The following AGK variants were observed in gnomAD, a reference collection of about 807,000 sequenced individuals.
The protein encoded by AGK is acylglycerol kinase, mitochondrial.
Under a neutral mutation model 66.4 loss-of-function variants are expected in AGK, and 52 were observed. That is an observed-to-expected ratio of 0.78 (90% CI 0.63 to 0.99). The LOEUF (loss-of-function observed/expected upper bound fraction) is 0.99. Ranked by LOEUF, AGK falls within the 50% of genes least tolerant of loss-of-function variation. The pLI is 0.00. For synonymous variants in AGK, 182 were observed against 181.1 expected (o/e 1.00, Z -0.04); for missense variants, 451 against 506.6 (o/e 0.89, Z 1.05).
Position 141,652,808 on chromosome 7 carries a change from A to G in AGK, c.1153A>G (p.Ile385Val), listed in dbSNP as rs764590024. 6 of 1,613,568 alleles carry G rather than the reference A, an allele frequency of 3.7e-6. No homozygotes were observed. Among genetic ancestry groups the G allele is most frequent in the Non-Finnish European group, 5.1e-6 (6 of 1,179,942 alleles). ...IPEGAGGSFSIDSEEYEAMPV... is the reference protein window; with the variant it reads ...IPEGAGGSFSVDSEEYEAMPV... ...CCAGGGAGCAGGGGGCTCTTTTAGC[A>G]TTGACAGTGAGGAGTATGAAGCGAT... Residue 385 changes from isoleucine (I) to valine (V), a missense_variant, in exon 16 of 16, where the codon ATT (isoleucine) becomes GTT (valine). Physicochemically the swap from Ile to Val is conservative, Grantham distance 29 (BLOSUM62 3). Transcript: ENST00000649286.
At chr7:141,564,160 C>T (rs1795413420) in intron 2 of AGK, among the ~76,000 whole-genome samples, 1 of 152,214 alleles carries the variant, frequency 6.6e-6, no homozygotes, top group South Asian at 2.1e-4. Context: ...CTCTGCTTTC[C>T]TATCTCCCTC....
At chr7:141,645,657 A>G (rs1797394738) in intron 13 of AGK, among the ~76,000 whole-genome samples, 1 of 152,094 alleles carries the variant, frequency 6.6e-6, no homozygotes, top group Admixed American at 6.5e-5. Context: ...CTTGTATTTA[A>G]TGTGCTTTCT....
chr7:141,615,696 T>C (rs1228558832), intron 8 of AGK, 131 bp downstream of exon 8: 4 of 736,182 alleles, frequency 5.4e-6, no homozygotes, highest in Non-Finnish European at 7.0e-6. Context: ...AGGACCTAGA[T>C]CAGAGTTCAG....
rs1002051522 is a variant in AGK, at chr7:141,562,776, TC to T, written c.101+7213del. 1.5e-4 allele frequency among the ~76,000 whole-genome samples: 23 copies of T among 152,166 alleles called. 1 individual carries two copies. The highest frequency in any genetic ancestry group is 3.2e-4 in the Non-Finnish European group (22 of 68,026). ...TCAGATCTGCCCCAGGTCATAAGCT[TC>T]CCCGCTGAGAAAGCAGGCAAGGCTT... On this transcript the variant is annotated intron_variant, in intron 2 of 15. Coordinates refer to ENST00000649286, the MANE Select transcript of AGK (RefSeq NM_018238.4).
rs762576211 is a variant in AGK at position 141,637,024 on chromosome 7, G to A, written c.726+7G>A. 4 of 1,609,606 alleles carry A rather than the reference G, an allele frequency of 2.5e-6. No individual in the cohort carries two copies. Among genetic ancestry groups the A allele is most frequent in the Non-Finnish European group, 3.4e-6 (4 of 1,177,368 alleles). On this transcript the variant is annotated splice_region_variant and intron_variant, in intron 11 of 15. Transcript: ENST00000649286. ...CTTTTTCAGCACTCTTAAGGTAAAT[G>A]TGATTTACAGTGTAGAAATTTGCTG... is the stretch of plus-strand genomic sequence containing the variant.
rs1205552060 is a variant in AGK, at chr7:141,598,245, C to G, written c.221+1604C>G. Among the ~76,000 whole-genome samples, 1 of 152,166 alleles carries G rather than the reference C, an allele frequency of 6.6e-6. No homozygotes were observed. Among genetic ancestry groups the G allele is most frequent in the Non-Finnish European group, 1.5e-5 (1 of 68,028 alleles). On this transcript the variant is annotated intron_variant, in intron 4 of 15. Coordinates refer to ENST00000649286, the MANE Select transcript of AGK (RefSeq NM_018238.4). This position sits in a 1 kb window ranked among gnomAD's most constrained non-coding sequence, Gnocchi z 4.2. ...CTGCTGGGCTTTGTTAGAGCCGCTTCCCTCCCCCATAAACGCACCAGTCAT... is the reference window on the plus strand; with the variant it reads ...CTGCTGGGCTTTGTTAGAGCCGCTTGCCTCCCCCATAAACGCACCAGTCAT...
At chr7:141,579,527 G>T (rs556881255) in intron 2 of AGK, among the ~76,000 whole-genome samples, 1 of 151,940 alleles carries the variant, frequency 6.6e-6, no homozygotes, top group Non-Finnish European at 1.5e-5. Flanking sequence ...AGACCAAGAG[G>T]TATTTTGGTT....
chr7:141,645,347 G>C (rs1797387366), intron 13 of AGK, among the ~76,000 whole-genome samples: 1 of 151,988 alleles, frequency 6.6e-6, no homozygotes, highest in Non-Finnish European at 1.5e-5. Context: ...ACCTGATTTA[G>C]TAGATGGACA....
chr7:141,554,040 T>C (rs1795156338), intron 1 of AGK, among the ~76,000 whole-genome samples: 1 of 152,168 alleles, frequency 6.6e-6, no homozygotes, highest in Admixed American at 6.5e-5. Flanking sequence ...AGGGATCTAC[T>C]TTAAAATTTC....
chr7:141,609,086 T>C (rs1796522322), intron 5 of AGK, among the ~76,000 whole-genome samples: 1 of 152,182 alleles, frequency 6.6e-6, no homozygotes, highest in Non-Finnish European at 1.5e-5. Context: ...CATCCTAAAA[T>C]TAGATGGTAG....
intron 2 of AGK, among the ~76,000 whole-genome samples, chr7:141,565,015 C>T (rs368461876): frequency 5.3e-4 from 81 of 152,236 alleles, no homozygotes; most frequent in Middle Eastern, 6.8e-3. Flanking sequence ...TGTGAGCCAC[C>T]GTGCCCAGCC....
At chr7:141,618,243 T>C (rs115325205) in intron 8 of AGK, among the ~76,000 whole-genome samples, 1 of 152,176 alleles carries the variant, frequency 6.6e-6, no homozygotes, top group Non-Finnish European at 1.5e-5. Flanking sequence ...TGGGAATCCA[T>C]TGATATCCAT....
intron 5 of AGK, among the ~76,000 whole-genome samples, chr7:141,601,893 C>T (rs1796352884): frequency 6.6e-6 from 1 of 152,136 alleles, no homozygotes; most frequent in African/African-American, 2.4e-5. Flanking sequence ...TAATATTGTA[C>T]ACTTCCAGGA....
chr7:141,634,858 T>A (rs1797137229), intron 10 of AGK, among the ~76,000 whole-genome samples: 1 of 151,850 alleles, frequency 6.6e-6, no homozygotes, highest in Non-Finnish European at 1.5e-5. Context: ...CAGAAATTTC[T>A]CTCACTTGTT....
intron 15 of AGK, among the ~76,000 whole-genome samples, chr7:141,652,213 C>G (rs1018160359): frequency 2.0e-5 from 3 of 152,164 alleles, no homozygotes; most frequent in Admixed American, 6.5e-5. Context: ...CAGAAGGTAT[C>G]CCCATAGTGA....
At chr7:141,595,678 T>C (rs959515828) in intron 3 of AGK, among the ~76,000 whole-genome samples, 1 of 152,196 alleles carries the variant, frequency 6.6e-6, no homozygotes, top group Non-Finnish European at 1.5e-5. Flanking sequence ...GACCCCAATT[T>C]TTGCCCATTT....
At position 141,600,688 on chromosome 7, in the gene AGK, C is replaced by T. The variant is rs977103230; in HGVS notation, c.222-517C>T. Among the ~76,000 whole-genome samples the T allele has an allele frequency of 2.6e-5, 4 of 152,138 alleles. No homozygotes were observed. In the South Asian group the frequency reaches 8.3e-4, roughly 32 times the overall value. The stretch of plus-strand genomic sequence containing the variant: ...AACAGTCTTGGAAGTCTCTAATCAC[C>T]ATACAGTATGAAAGTCACTAACAGA... On this transcript the variant is annotated intron_variant, in intron 4 of 15. Coordinates refer to ENST00000649286, the MANE Select transcript of AGK (RefSeq NM_018238.4).
intron 8 of AGK, among the ~76,000 whole-genome samples, chr7:141,621,463 TAG>T (rs1796822904): frequency 6.6e-6 from 1 of 152,148 alleles, no homozygotes; most frequent in Non-Finnish European, 1.5e-5. Flanking sequence ...AGGCACAATG[TAG>T]AGACTCAGTA....
At chr7:141,617,000 G>T (rs1045247568) in intron 8 of AGK, among the ~76,000 whole-genome samples, 2 of 151,850 alleles carry the variant, frequency 1.3e-5, no homozygotes, top group African/African-American at 4.8e-5. Flanking sequence ...CTCGTGATCC[G>T]CCCGCCTCGG....
Sources: gnomAD v4.1 joint callset for allele counts (sites outside exome capture counted in the v4.1 genomes callset) on GRCh38, gnomAD v4.1.1 for gene constraint, Gnocchi (gnomAD v3.1) non-coding constraint, MANE v1.5 for transcripts, NCBI Gene and HGNC (gene_info 2026-07-23, HGNC 2026-07-21) for gene names.